ANKDD1B: variants seen among roughly 807,000 people sequenced by gnomAD.
ANKDD1B encodes ankyrin repeat and death domain containing 1B, also known as ankyrin repeat and death domain-containing protein 1B.
A neutral mutation model predicts 59.7 loss-of-function variants in ANKDD1B; 57 were observed. That is an observed-to-expected ratio of 0.95 (90% CI 0.77 to 1.19). The LOEUF is 1.19. ANKDD1B is among the 50% of genes most tolerant of loss of function. The probability of loss-of-function intolerance (pLI) is 0.00; values close to 1 mark genes in which losing one functional copy is unlikely to be tolerated. For synonymous variants in ANKDD1B, 216 were observed against 239.5 expected (o/e 0.90, Z 0.91); for missense variants, 602 against 641.9 (o/e 0.94, Z 0.67).
chr5:75,661,652 C>G (rs1775155823), intron 10 of ANKDD1B, among the ~76,000 whole-genome samples: 1 of 152,064 alleles, frequency 6.6e-6, no homozygotes, highest in Non-Finnish European at 1.5e-5. Context: ...GGTACGAAAT[C>G]TATAGCATTG....
Position 75,658,317 on chromosome 5 carries a change from G to C in ANKDD1B, c.997-966G>C, listed in dbSNP as rs368855082. 2.6e-5 allele frequency among the ~76,000 whole-genome samples: 4 copies of C among 152,224 alleles called. No individual in the cohort carries two copies. In the East Asian group the frequency reaches 5.8e-4, roughly 22 times the overall value. ...CACATGCCATTGCCCAGCTCTGTGA[G>C]TCTGGGGTAGTTGCTTCCCTTTCTG... On this transcript the variant is annotated intron_variant, in intron 9 of 13. Transcript: ENST00000601380.
intron 7 of ANKDD1B, among the ~76,000 whole-genome samples, chr5:75,648,763 G>T (rs1280788508): frequency 1.3e-5 from 2 of 152,202 alleles, no homozygotes; most frequent in African/African-American, 4.8e-5. Context: ...TGTGAAGCAA[G>T]AAGCCAACAG....
At chr5:75,620,259 C>A in intron 2 of ANKDD1B, 56 bp from the exon 3 acceptor site, 1 of 900,712 alleles carries the variant, frequency 1.1e-6, no homozygotes, top group Non-Finnish European at 1.7e-6. Flanking sequence ...AAACAGGAAA[C>A]CTAAAATCAC....
chr5:75,617,094 G>A (rs1275383478), intron 2 of ANKDD1B, among the ~76,000 whole-genome samples, 187 bp downstream of exon 2: 4 of 152,168 alleles, frequency 2.6e-5, no homozygotes, highest in African/African-American at 7.2e-5. Context: ...GGCTCTGGGT[G>A]TTTTAATTCC....
Position 75,636,573 on chromosome 5 carries a change from G to C in ANKDD1B, c.798+691G>C, listed in dbSNP as rs193075613. Reference sequence around the variant, plus strand: ...CTTGAAGGGTTTTAAGCAGTGAAAAGGGATGGGATTCATCTTAGGTGTGGG... The same window carrying C: ...CTTGAAGGGTTTTAAGCAGTGAAAACGGATGGGATTCATCTTAGGTGTGGG... On this transcript the variant is annotated intron_variant, in intron 7 of 13. Transcript: ENST00000601380. 1.0e-3 allele frequency among the ~76,000 whole-genome samples: 152 copies of C among 152,312 alleles called. 2 individuals carry two copies. Among genetic ancestry groups the C allele is most frequent in the African/African-American group, 3.5e-3 (144 of 41,572 alleles).
chr5:75,637,240 C>CAAAAAAAAAAAAAAAAAAAAAAAAAAAA (rs55640131), intron 7 of ANKDD1B, among the ~76,000 whole-genome samples: 3 of 69,936 alleles, frequency 4.3e-5, no homozygotes, highest in African/African-American at 6.8e-5. Context: ...GACTCTGTCT[C>CAAAAAAAAAAAAAAAAAAAAAAAAAAAA]AAAAAAAAAA....
At position 75,671,047 on chromosome 5, in the gene ANKDD1B, A is replaced by AAAG. The variant is rs1165290761; in HGVS notation, c.*10_*12dup. On this transcript the variant is annotated 3_prime_UTR_variant, in exon 14 of 14. Coordinates refer to ENST00000601380, the MANE Select transcript of ANKDD1B (RefSeq NM_001276713.2). ...GAAATGTGTAGTTTCATAAATGCCT[A>AAAG]AAGAAATTGTATTTACATGATTTTC... 1 of 1,213,232 alleles carries AAAG rather than the reference A, an allele frequency of 8.2e-7. No individual in the cohort carries two copies. Among genetic ancestry groups the AAAG allele is most frequent in the African/African-American group, 1.6e-5 (1 of 64,034 alleles). The allele number at this position is 1,213,232 out of a possible 1,614,324, so 75.2% of individuals were successfully genotyped here. A position where few individuals can be genotyped will look rare whatever the true frequency, so the allele number is the denominator to read the frequency against.
In ANKDD1B at chr5:75,653,241, G is replaced by C; in HGVS notation, c.897+1G>C. ...CGTTGATCTGCACCAGAAAGTGGAA[G>C]TGAGTTTATTCCAATGACACGGGCT... On this transcript the variant is annotated splice_donor_variant, in intron 8 of 13. Coordinates refer to ENST00000601380, the MANE Select transcript of ANKDD1B (RefSeq NM_001276713.2). LOFTEE classifies it high-confidence loss of function. 6.5e-7 allele frequency: 1 copy of C among 1,535,002 alleles called. No individual in the cohort carries two copies. The highest frequency in any genetic ancestry group is 8.7e-7 in the Non-Finnish European group (1 of 1,145,896).
At chr5:75,655,634 A>G (rs1329632136) in intron 8 of ANKDD1B, among the ~76,000 whole-genome samples, 1 of 152,046 alleles carries the variant, frequency 6.6e-6, no homozygotes, top group African/African-American at 2.4e-5. Context: ...CTATCCCCAC[A>G]CTGGCTCTTC....
At chr5:75,654,089 G>A (rs1291085837) in intron 8 of ANKDD1B, among the ~76,000 whole-genome samples, 1 of 152,208 alleles carries the variant, frequency 6.6e-6, no homozygotes, top group Admixed American at 6.5e-5. Flanking sequence ...TTCCTTTCAT[G>A]CTGCTCCCAT....
At chr5:75,669,053 C>G (rs755322786) in intron 12 of ANKDD1B, among the ~76,000 whole-genome samples, 199 bp from the exon 13 acceptor site, 23 of 152,170 alleles carry the variant, frequency 1.5e-4, no homozygotes, top group Non-Finnish European at 2.6e-4. Flanking sequence ...CCAAGCATAG[C>G]AGGTGCATAG....
chr5:75,624,915 T>C (rs1773950218), intron 3 of ANKDD1B, among the ~76,000 whole-genome samples: 1 of 152,242 alleles, frequency 6.6e-6, no homozygotes, highest in Admixed American at 6.5e-5. Context: ...TGGAAATGTT[T>C]CCAAGTCAAT....
chr5:75,615,946 G>T (rs1031439462), intron 1 of ANKDD1B, among the ~76,000 whole-genome samples: 1 of 152,096 alleles, frequency 6.6e-6, no homozygotes, highest in Non-Finnish European at 1.5e-5. Context: ...ATCCTGAAAG[G>T]TCTTTGCTTC....
chr5:75,611,886 A>G (rs1773568134), intron 1 of ANKDD1B, 59 bp downstream of exon 1: 1 of 1,213,352 alleles, frequency 8.2e-7, no homozygotes, highest in African/African-American at 1.6e-5. Context: ...GGTCGAAGGG[A>G]CTTGAGAAGG....
chr5:75,613,293 A>C (rs1773619355), intron 1 of ANKDD1B, among the ~76,000 whole-genome samples: 1 of 152,220 alleles, frequency 6.6e-6, no homozygotes, highest in South Asian at 2.1e-4. Context: ...TTTTATGCAT[A>C]GGGTATTATG....
At chr5:75,662,153 GA>G (rs1037507978) in intron 10 of ANKDD1B, among the ~76,000 whole-genome samples, 60 of 152,192 alleles carry the variant, frequency 3.9e-4, no homozygotes, top group African/African-American at 1.4e-3. Context: ...ATTTTCCTTT[GA>G]ACTTGGAAAC....
chr5:75,616,965 C>A, intron 2 of ANKDD1B, 58 bp downstream of exon 2: 3 of 725,104 alleles, frequency 4.1e-6, no homozygotes, highest in South Asian at 1.9e-5. Context: ...TGGATTTACA[C>A]AGGACATCTG....
intron 7 of ANKDD1B, among the ~76,000 whole-genome samples, chr5:75,648,422 ACT>A (rs1027801405): frequency 1.3e-5 from 2 of 151,488 alleles, no homozygotes; most frequent in East Asian, 1.9e-4. Context: ...GGTTAGCAAG[ACT>A]CTGTCAGGCT....
intron 7 of ANKDD1B, among the ~76,000 whole-genome samples, chr5:75,639,776 G>C (rs1397965876): frequency 1.3e-5 from 2 of 152,142 alleles, no homozygotes; most frequent in Admixed American, 6.5e-5. Context: ...ATGAGGAAAG[G>C]GAAATAGCCA....
Sources: gnomAD v4.1 joint callset for allele counts (sites outside exome capture counted in the v4.1 genomes callset) on GRCh38, gnomAD v4.1.1 for gene constraint, MANE v1.5 for transcripts, NCBI Gene and HGNC (gene_info 2026-07-23, HGNC 2026-07-21) for gene names.